RNF4: variants seen among roughly 807,000 people sequenced by gnomAD.
RNF4 encodes the protein E3 ubiquitin-protein ligase RNF4.
In RNF4, 7 loss-of-function variants were observed where a neutral mutation model predicts 24.3. That is an observed-to-expected ratio of 0.29 (90% CI 0.16 to 0.54). The LOEUF (loss-of-function observed/expected upper bound fraction) is 0.54. RNF4 is among the 20% of genes least tolerant of loss of function. The pLI, the probability that RNF4 is intolerant of heterozygous loss-of-function variation, is 0.95. For missense variants in RNF4, 209 were observed against 248.5 expected (o/e 0.84, Z 1.07); for synonymous variants, 83 against 84.3 (o/e 0.98, Z 0.09).
intron 2 of RNF4, 68 bp from the exon 3 acceptor site, chr4:2,496,939 A>G (rs1735754941): frequency 1.7e-6 from 2 of 1,181,892 alleles, no homozygotes; most frequent in East Asian, 2.6e-5. Flanking sequence ...TCTATTGCCC[A>G]TTTAGTTCTT....
chr4:2,489,283 C>G (rs187644097), intron 1 of RNF4, among the ~76,000 whole-genome samples: 12 of 152,270 alleles, frequency 7.9e-5, no homozygotes, highest in Non-Finnish European at 1.8e-4. Flanking sequence ...GACGGGCACC[C>G]AGGGACAGGA....
chr4:2,492,877 G>A (rs1735621936), intron 2 of RNF4, among the ~76,000 whole-genome samples: 1 of 152,214 alleles, frequency 6.6e-6, no homozygotes, highest in South Asian at 2.1e-4. Context: ...GGCCAGATCA[G>A]AACAGGCAAA....
intron 4 of RNF4, among the ~76,000 whole-genome samples, chr4:2,503,637 A>G (rs1178146415): frequency 6.6e-6 from 1 of 152,180 alleles, no homozygotes; most frequent in Non-Finnish European, 1.5e-5. Context: ...ACTGAGACAT[A>G]TACTTGAGTT....
chr4:2,512,168 C>A lies in RNF4; in HGVS notation c.214+203C>A. ...AAGAAACTTCACCACTATCATTGAG[C>A]ACTGAGCTATAGTCCTTTCTTGTGG... On this transcript the variant is annotated intron_variant, in intron 5 of 7. Transcript: ENST00000314289. This position sits in a 1 kb window ranked among gnomAD's most constrained non-coding sequence, Gnocchi z 4.1. 1 of 643,746 alleles carries A rather than the reference C, an allele frequency of 1.6e-6. No homozygotes were observed. The highest frequency in any genetic ancestry group is 2.7e-6 in the Non-Finnish European group (1 of 368,018). The allele number at this position is 643,746 out of a possible 1,614,324, so 39.9% of individuals were successfully genotyped here.
chr4:2,472,918 T>C (rs1734951050), intron 1 of RNF4, among the ~76,000 whole-genome samples: 2 of 151,820 alleles, frequency 1.3e-5, no homozygotes, highest in South Asian at 4.2e-4. Flanking sequence ...CGGGCACCTG[T>C]AGTCCCAGCT....
chr4:2,490,975 C>G (rs1735561741), intron 2 of RNF4, among the ~76,000 whole-genome samples: 1 of 152,116 alleles, frequency 6.6e-6, no homozygotes. Flanking sequence ...GTAGTCCCAG[C>G]TACTTGGGAG....
In RNF4 at chr4:2,512,936, C is replaced by G. The variant is rs1170219246; in HGVS notation, c.375-147C>G. The G allele has an allele frequency of 1.2e-6, 1 of 814,804 alleles. No individual in the cohort carries two copies. Among genetic ancestry groups the G allele is most frequent in the Admixed American group, 2.0e-5 (1 of 49,290 alleles). 50.5% of individuals were successfully genotyped at this position (814,804 alleles called of 1,614,324 possible). A position where few individuals can be genotyped will look rare whatever the true frequency, so the allele number is the denominator to read the frequency against. On this transcript the variant is annotated intron_variant, in intron 6 of 7. Coordinates refer to ENST00000314289, the MANE Select transcript of RNF4 (RefSeq NM_002938.5). This position sits in a 1 kb window ranked among gnomAD's most constrained non-coding sequence, Gnocchi z 4.1. ...ACATGCCCTTGGGGCAGTTGGCTTTCCTGAAAGTCTCTCGGATGCCCGCGC... is the reference window on the plus strand; with the variant it reads ...ACATGCCCTTGGGGCAGTTGGCTTTGCTGAAAGTCTCTCGGATGCCCGCGC...
intron 1 of RNF4, among the ~76,000 whole-genome samples, chr4:2,479,004 G>C (rs1354066891): frequency 6.6e-6 from 1 of 152,220 alleles, no homozygotes; most frequent in Non-Finnish European, 1.5e-5. Flanking sequence ...GGGTGGAGCT[G>C]CCTAAGGCCA....
At chr4:2,487,330 G>C (rs1735439661) in intron 1 of RNF4, among the ~76,000 whole-genome samples, 1 of 152,142 alleles carries the variant, frequency 6.6e-6, no homozygotes. Context: ...CTGTTGGCCA[G>C]GCTGGAGTGC....
chr4:2,504,267 G>A (rs115433476), intron 4 of RNF4, among the ~76,000 whole-genome samples: 2,437 of 152,172 alleles, frequency 0.016, 48 homozygotes, highest in Middle Eastern at 0.058. Flanking sequence ...GCTGTGTCCC[G>A]AGGTGTGAGT....
chr4:2,476,869 C>T (rs1735094631), intron 1 of RNF4, among the ~76,000 whole-genome samples: 1 of 151,618 alleles, frequency 6.6e-6, no homozygotes, highest in Admixed American at 6.6e-5. Flanking sequence ...TCAACCTCCA[C>T]CTCCTGGGTT....
intron 1 of RNF4, among the ~76,000 whole-genome samples, chr4:2,478,558 C>T (rs1735153217): frequency 2.0e-5 from 3 of 152,228 alleles, no homozygotes; most frequent in Non-Finnish European, 4.4e-5. Context: ...TCAGCTGTGG[C>T]CAAAAGGGGC....
At chr4:2,493,905 C>T (rs919323815) in intron 2 of RNF4, among the ~76,000 whole-genome samples, 2 of 150,612 alleles carry the variant, frequency 1.3e-5, no homozygotes, top group African/African-American at 4.9e-5. Flanking sequence ...GCAGTGGATG[C>T]AATATTGGCT....
At chr4:2,502,578 A>G (rs918629912) in intron 4 of RNF4, among the ~76,000 whole-genome samples, 2 of 151,918 alleles carry the variant, frequency 1.3e-5, no homozygotes, top group African/African-American at 2.4e-5. Context: ...AGGCTAAGGC[A>G]GGAGAATCGC....
chr4:2,475,168 A>G (rs13111707), intron 1 of RNF4, among the ~76,000 whole-genome samples: 6,986 of 152,282 alleles, frequency 0.046, 229 homozygotes, highest in South Asian at 0.16. Context: ...GATCATTAGC[A>G]TTTTTTATTT....
At chr4:2,484,620 G>C (rs1644646839) in intron 1 of RNF4, among the ~76,000 whole-genome samples, 2 of 150,798 alleles carry the variant, frequency 1.3e-5, no homozygotes, top group Non-Finnish European at 2.9e-5. Flanking sequence ...TCCTGCTAGA[G>C]TGGGGGGGGT....
intron 2 of RNF4, among the ~76,000 whole-genome samples, chr4:2,495,639 TG>T (rs148112615): frequency 5.3e-5 from 7 of 132,846 alleles, no homozygotes; most frequent in East Asian, 4.5e-4. Flanking sequence ...CTTTTTTTTT[TG>T]GGGGGGGGTG....
chr4:2,486,552 T>C (rs1056458440), intron 1 of RNF4, among the ~76,000 whole-genome samples: 1 of 152,158 alleles, frequency 6.6e-6, no homozygotes, highest in Admixed American at 6.5e-5. Context: ...GGTGAATTGC[T>C]GTATGGGCCA....
intron 1 of RNF4, among the ~76,000 whole-genome samples, chr4:2,482,763 C>T (rs1735280131): frequency 6.6e-6 from 1 of 152,226 alleles, no homozygotes; most frequent in Admixed American, 6.5e-5. Context: ...TGATCAAATT[C>T]ATTCCTCTTG....
Sources: gnomAD v4.1 joint callset for allele counts (sites outside exome capture counted in the v4.1 genomes callset) on GRCh38, gnomAD v4.1.1 for gene constraint, Gnocchi (gnomAD v3.1) non-coding constraint, MANE v1.5 for transcripts, NCBI Gene and HGNC (gene_info 2026-07-23, HGNC 2026-07-21) for gene names.